The following CDH23 variants were observed in gnomAD, a reference collection of about 807,000 sequenced individuals.
CDH23 encodes the protein cadherin related 23.
CDH23 carries 189 observed loss-of-function variants against 317.1 expected under a neutral mutation model. The observed-to-expected ratio is 0.60, with a 90% CI of 0.53 to 0.67. The LOEUF (loss-of-function observed/expected upper bound fraction) is 0.67, where lower values mean the gene tolerates loss of function less well. Among genes scored for constraint, CDH23 ranks in the 30% least tolerant of loss-of-function variants. CDH23 has a pLI of 0.00. For missense variants in CDH23, 4,401 were observed against 4,592.4 expected, an observed-to-expected ratio of 0.96 and a Z score of 1.20; for synonymous variants, 1,839 against 1,876.8, an observed-to-expected ratio of 0.98 and a Z score of 0.52.
At chr10:71,801,150 C>CTTTTTTTT (rs386371783) in intron 53 of CDH23, among the ~76,000 whole-genome samples, 31 of 73,978 alleles carry the variant, frequency 4.2e-4, no homozygotes, top group East Asian at 1.8e-3. Context: ...CTCTCTCTCT[C>CTTTTTTTT]TTTTTTTTTT....
chr10:71,802,982 C>A lies in CDH23; in HGVS notation c.7567C>A (p.Pro2523Thr). 1.2e-6 allele frequency: 2 copies of A among 1,613,988 alleles called. No individual in the cohort carries two copies. Among genetic ancestry groups the A allele is most frequent in the Non-Finnish European group, 1.7e-6 (2 of 1,179,878 alleles). Residue 2523 changes from proline (P) to threonine (T), a missense_variant, in exon 54 of 70, where the codon CCG becomes ACG. By Grantham distance (38) the Pro-to-Thr change is conservative (BLOSUM62 -1). Around this residue, in one of 3 missense-constraint regions of CDH23, gnomAD observed 189 missense variants for 250.9 expected, o/e 0.75. Transcript: ENST00000224721. ...CAGCACAAGCGTGTATGAGAATGAG[C>A]CGGCGGGCACCTCGGTCATCACCAT... ...QFSTSVYENE[P>T]AGTSVITMMA...
intron 9 of CDH23, among the ~76,000 whole-genome samples, chr10:71,593,856 T>C (rs980996253): frequency 6.6e-6 from 1 of 152,212 alleles, no homozygotes; most frequent in African/African-American, 2.4e-5. Flanking sequence ...GTGCAGTGGC[T>C]CACACCTGTA....
intron 6 of CDH23, among the ~76,000 whole-genome samples, chr10:71,562,099 C>T (rs540223655): frequency 2.6e-5 from 4 of 152,134 alleles, no homozygotes; most frequent in South Asian, 2.1e-4. Flanking sequence ...AACTCCAACC[C>T]GTGCAGCCCC....
intron 28 of CDH23, among the ~76,000 whole-genome samples, chr10:71,720,330 G>A (rs1200605809): frequency 6.6e-6 from 1 of 152,050 alleles, no homozygotes; most frequent in Non-Finnish European, 1.5e-5. Flanking sequence ...GGATCCCAGG[G>A]CAGAAAGCAT....
chr10:71,613,397 C>T (rs1174282229), intron 9 of CDH23, among the ~76,000 whole-genome samples: 1 of 152,208 alleles, frequency 6.6e-6, no homozygotes, highest in East Asian at 1.9e-4. Flanking sequence ...GGGATAGCTA[C>T]AGTGACACCC....
At chr10:71,757,933 T>C (rs1179561660) in intron 38 of CDH23, among the ~76,000 whole-genome samples, 2 of 152,174 alleles carry the variant, frequency 1.3e-5, no homozygotes, top group Admixed American at 6.5e-5. Flanking sequence ...CAGGAGCTCC[T>C]TGGGCACCAA....
At position 71,783,250 on chromosome 10, in the gene CDH23, C is replaced by G. The variant is rs141494636; in HGVS notation, c.5369-1037C>G. Among the ~76,000 whole-genome samples, 45 of 152,348 alleles carry G rather than the reference C, an allele frequency of 3.0e-4. 2 individuals carry two copies. The highest frequency in any genetic ancestry group is 1.1e-3 in the African/African-American group (44 of 41,572). On this transcript the variant is annotated intron_variant, in intron 41 of 69. Coordinates refer to ENST00000224721, the MANE Select transcript of CDH23 (RefSeq NM_022124.6). The stretch of plus-strand genomic sequence containing the variant: ...TTCTTCCTGCCAGAGCCACAGCCCC[C>G]ACCATTCTTGCCTCTCCAGCTGGGC...
At chr10:71,742,597 G>T (rs1186519165) in intron 38 of CDH23, among the ~76,000 whole-genome samples, 1 of 152,200 alleles carries the variant, frequency 6.6e-6, no homozygotes, top group Non-Finnish European at 1.5e-5. Context: ...CACTGTGGCT[G>T]GCTGCATGAT....
intron 3 of CDH23, among the ~76,000 whole-genome samples, chr10:71,506,335 A>G (rs543498231): frequency 2.0e-5 from 3 of 152,340 alleles, no homozygotes; most frequent in South Asian, 4.1e-4. Context: ...TCGTGAATGT[A>G]CTAAATGCCA....
intron 38 of CDH23, chr10:71,760,918 T>A (rs755835959): frequency 1.2e-6 from 2 of 1,613,816 alleles, no homozygotes; most frequent in Non-Finnish European, 1.7e-6. Context: ...GGATGGTGCA[T>A]CTTTGCCTGT....
At position 71,751,144 on chromosome 10, in the gene CDH23, G is replaced by A. The variant is rs76716780; in HGVS notation, c.4845+9223G>A. The A allele has an allele frequency of 1.3e-3, 1,648 of 1,304,690 alleles. 16 individuals are homozygous for A. In the African/African-American group the frequency reaches 0.021, roughly 17 times the overall value. The allele number at this position is 1,304,690 out of a possible 1,614,324, so 80.8% of individuals were successfully genotyped here. ...GTCACAGTATCTGAGCCCAGAGCAG[G>A]AGGGAGGGAACCAGGGCCGAGGCCA... On this transcript the variant is annotated intron_variant, in intron 38 of 69. Coordinates refer to ENST00000224721, the MANE Select transcript of CDH23 (RefSeq NM_022124.6). The surrounding 1 kb of genome is among the most constrained non-coding windows in gnomAD (Gnocchi z 4.9).
intron 34 of CDH23, 149 bp from the exon 35 acceptor site, chr10:71,738,349 T>A: frequency 4.6e-6 from 4 of 877,236 alleles, no homozygotes; most frequent in Non-Finnish European, 7.3e-6. Flanking sequence ...CTTTGTAAAG[T>A]CAGGATAGGC....
intron 34 of CDH23, among the ~76,000 whole-genome samples, chr10:71,735,004 C>T (rs1839517957): frequency 1.3e-5 from 2 of 152,252 alleles, no homozygotes. Flanking sequence ...CTCTGTGCTT[C>T]CCTTCCTCGG....
At chr10:71,410,699 T>C (rs1022287563) in intron 1 of CDH23, among the ~76,000 whole-genome samples, 1 of 152,196 alleles carries the variant, frequency 6.6e-6, no homozygotes, top group East Asian at 1.9e-4. Context: ...ATACAGTAGA[T>C]TCATTTTGCC....
At chr10:71,590,180 C>T (rs569482583) in intron 9 of CDH23, among the ~76,000 whole-genome samples, 1 of 152,378 alleles carries the variant, frequency 6.6e-6, no homozygotes, top group East Asian at 1.9e-4. Flanking sequence ...TGCTCTGAGT[C>T]AATTAACTGG....
chr10:71,606,525 A>G (rs138331676), intron 9 of CDH23, among the ~76,000 whole-genome samples: 1 of 152,266 alleles, frequency 6.6e-6, no homozygotes, highest in East Asian at 1.9e-4. Context: ...GCCCTCAGAC[A>G]TTCCTGCTGT....
intron 53 of CDH23, among the ~76,000 whole-genome samples, chr10:71,801,226 C>T (rs1361145893): frequency 7.1e-6 from 1 of 140,984 alleles, no homozygotes; most frequent in Non-Finnish European, 1.5e-5. Flanking sequence ...CGTGATCCGG[C>T]TCACCACAAC....
At chr10:71,581,482 C>T (rs1564667076) in intron 9 of CDH23, among the ~76,000 whole-genome samples, 2 of 152,226 alleles carry the variant, frequency 1.3e-5, no homozygotes, top group Non-Finnish European at 2.9e-5. Context: ...TCCCCTGAGG[C>T]CCTGTCCCCT....
intron 14 of CDH23, among the ~76,000 whole-genome samples, chr10:71,662,024 G>C (rs1006644801): frequency 2.0e-5 from 3 of 150,942 alleles, no homozygotes; most frequent in Non-Finnish European, 4.4e-5. Flanking sequence ...GGTGAGTGAG[G>C]GGCTGGGCCC....
Sources: gnomAD v4.1 joint callset for allele counts (sites outside exome capture counted in the v4.1 genomes callset) on GRCh38, gnomAD v4.1.1 for gene constraint, gnomAD v4.1.1 regional missense constraint, Gnocchi (gnomAD v3.1) non-coding constraint, MANE v1.5 for transcripts, NCBI Gene and HGNC (gene_info 2026-07-23, HGNC 2026-07-21) for gene names.